The following SLCO5A1 variants were observed in gnomAD, a reference collection of about 807,000 sequenced individuals.
SLCO5A1 encodes solute carrier organic anion transporter family member 5A1.
SLCO5A1 carries 39 observed loss-of-function variants against 65.1 expected under a neutral mutation model. The observed-to-expected ratio is 0.60, with a 90% CI of 0.46 to 0.78. The LOEUF (loss-of-function observed/expected upper bound fraction) is 0.78, where lower values mean the gene tolerates loss of function less well. Among genes scored for constraint, SLCO5A1 ranks in the 30% least tolerant of loss-of-function variants. The probability of loss-of-function intolerance (pLI) is 0.00; values close to 1 mark genes in which losing one functional copy is unlikely to be tolerated. For missense variants in SLCO5A1, 1,029 were observed against 1,069.4 expected (o/e 0.96, Z 0.53); for synonymous variants, 438 against 415.7 (o/e 1.05, Z -0.65).
At chr8:69,743,140 A>G (rs1816870329) in intron 4 of SLCO5A1, among the ~76,000 whole-genome samples, 1 of 152,138 alleles carries the variant, frequency 6.6e-6, no homozygotes, top group African/African-American at 2.4e-5. Flanking sequence ...GATGGTGTTT[A>G]GGAGAGACTG....
At chr8:69,704,059 CT>C (rs1380997121) in intron 6 of SLCO5A1, among the ~76,000 whole-genome samples, 1 of 151,354 alleles carries the variant, frequency 6.6e-6, no homozygotes, top group African/African-American at 2.4e-5. Context: ...CAAATCAGGG[CT>C]TTTTTTTACT....
intron 8 of SLCO5A1, 101 bp downstream of exon 8, chr8:69,679,277 G>A (rs1813668359): frequency 6.6e-7 from 1 of 1,510,410 alleles, no homozygotes; most frequent in Non-Finnish European, 9.0e-7. Flanking sequence ...TGCTAATTTT[G>A]CTTTGCTCTC....
In SLCO5A1 at chr8:69,672,254, A is replaced by C. The variant is rs984346192; in HGVS notation, c.*615T>G. 1.3e-5 allele frequency: 2 copies of C among 153,044 alleles called. No homozygotes were observed. Among genetic ancestry groups the C allele is most frequent in the African/African-American group, 4.8e-5 (2 of 41,444 alleles). The allele number at this position is 153,044 out of a possible 1,614,324, so 9.5% of individuals were successfully genotyped here. ...TCACACTATGCCTATGGTTCCTCTG[A>C]AGCATTTGAAAAACTCTACCTGATT... On this transcript the variant is annotated 3_prime_UTR_variant, in exon 10 of 10. Coordinates refer to ENST00000260126, the MANE Select transcript of SLCO5A1 (RefSeq NM_030958.3).
intron 6 of SLCO5A1, among the ~76,000 whole-genome samples, chr8:69,692,500 T>A (rs994976119): frequency 6.6e-6 from 1 of 152,194 alleles, no homozygotes; most frequent in African/African-American, 2.4e-5. Context: ...TTACTATAAT[T>A]TTTTTACTTT....
At chr8:69,674,987 C>T (rs1010309981) in intron 9 of SLCO5A1, among the ~76,000 whole-genome samples, 1 of 151,518 alleles carries the variant, frequency 6.6e-6, no homozygotes, top group Non-Finnish European at 1.5e-5. Flanking sequence ...TTGCAGAGAA[C>T]TGAGATTGTG....
At position 69,673,086 on chromosome 8, in the gene SLCO5A1, A is replaced by C; in HGVS notation, c.2330T>G (p.Leu777Arg). The change falls in exon 10 of 10, where the codon CTG (leucine) becomes CGG (arginine). Residue 777 changes from leucine (L) to arginine (R), a missense_variant. Coordinates refer to ENST00000260126, the MANE Select transcript of SLCO5A1 (RefSeq NM_030958.3). ...LQRRRQREFPLSTVSERVGHP... is the reference protein window; with the variant it reads ...LQRRRQREFPRSTVSERVGHP... Reference sequence around the variant, plus strand: ...TCCCACTCTCTCACTCACGGTGCTCAGGGGAAATTCTCTCTGCCTCCGCCT... The same window carrying C: ...TCCCACTCTCTCACTCACGGTGCTCCGGGGAAATTCTCTCTGCCTCCGCCT... 6.2e-7 allele frequency: 1 copy of C among 1,614,230 alleles called. No homozygotes were observed. Among genetic ancestry groups the C allele is most frequent in the South Asian group, 1.1e-5 (1 of 91,084 alleles).
intron 2 of SLCO5A1, among the ~76,000 whole-genome samples, chr8:69,826,701 A>G (rs201357733): frequency 5.8e-4 from 89 of 152,328 alleles, no homozygotes; most frequent in African/African-American, 2.1e-3. Context: ...TCAACCAACC[A>G]ATGTAAACTA....
chr8:69,823,367 CA>C (rs1272641039), intron 2 of SLCO5A1, among the ~76,000 whole-genome samples: 2 of 152,156 alleles, frequency 1.3e-5, no homozygotes, highest in Non-Finnish European at 2.9e-5. Flanking sequence ...GTGCTGTATT[CA>C]GGAGACCCAT....
chr8:69,804,632 G>A (rs1819912514), intron 2 of SLCO5A1, among the ~76,000 whole-genome samples: 1 of 152,086 alleles, frequency 6.6e-6, no homozygotes, highest in Non-Finnish European at 1.5e-5. Context: ...TGTATTTTCT[G>A]AGTTTATTTA....
intron 2 of SLCO5A1, among the ~76,000 whole-genome samples, chr8:69,818,852 C>T (rs1820514948): frequency 6.6e-6 from 1 of 152,206 alleles, no homozygotes; most frequent in Non-Finnish European, 1.5e-5. Context: ...TAACAAGAAG[C>T]TGATGCTCTG....
intron 5 of SLCO5A1, among the ~76,000 whole-genome samples, chr8:69,733,074 T>G (rs1816407868): frequency 6.6e-6 from 1 of 152,248 alleles, no homozygotes; most frequent in Non-Finnish European, 1.5e-5. Context: ...ATAGATTAAA[T>G]GATGTTACCC....
chr8:69,793,483 A>G (rs1466197013), intron 2 of SLCO5A1, among the ~76,000 whole-genome samples: 1 of 152,040 alleles, frequency 6.6e-6, no homozygotes, highest in Non-Finnish European at 1.5e-5. Context: ...ATAATAATAG[A>G]GCTGACATGG....
intron 2 of SLCO5A1, among the ~76,000 whole-genome samples, chr8:69,818,507 A>G (rs1820495489): frequency 1.3e-5 from 2 of 152,232 alleles, no homozygotes; most frequent in South Asian, 2.1e-4. Flanking sequence ...CACATAGATA[A>G]CAGAATTCAC....
chr8:69,710,617 A>T (rs1299553750), intron 5 of SLCO5A1, among the ~76,000 whole-genome samples: 4 of 152,144 alleles, frequency 2.6e-5, no homozygotes, highest in South Asian at 2.1e-4. Flanking sequence ...TAAAATTTCA[A>T]TTTCAACTAA....
At chr8:69,817,397 ACTTGGCTTG>A (rs1223370704) in intron 2 of SLCO5A1, among the ~76,000 whole-genome samples, 2 of 152,202 alleles carry the variant, frequency 1.3e-5, no homozygotes, top group Non-Finnish European at 2.9e-5. Context: ...GCTGATGAAC[ACTTGGCTTG>A]CTTCCGCCTC....
At chr8:69,715,682 A>C (rs1815489402) in intron 5 of SLCO5A1, among the ~76,000 whole-genome samples, 1 of 152,204 alleles carries the variant, frequency 6.6e-6, no homozygotes, top group Non-Finnish European at 1.5e-5. Flanking sequence ...TGCCCCACTA[A>C]GGCCAGGTGG....
At chr8:69,782,907 G>A (rs1279622296) in intron 2 of SLCO5A1, among the ~76,000 whole-genome samples, 1 of 152,140 alleles carries the variant, frequency 6.6e-6, no homozygotes, top group Non-Finnish European at 1.5e-5. Flanking sequence ...TAAGAGTATT[G>A]GCTTCAGCAT....
intron 2 of SLCO5A1, among the ~76,000 whole-genome samples, chr8:69,766,162 G>A (rs1818050544): frequency 6.6e-6 from 1 of 152,068 alleles, no homozygotes; most frequent in South Asian, 2.1e-4. Context: ...AGGCTCATCT[G>A]GAAAACTGCC....
chr8:69,690,697 G>C (rs1301040482), intron 6 of SLCO5A1, among the ~76,000 whole-genome samples: 1 of 152,156 alleles, frequency 6.6e-6, no homozygotes, highest in African/African-American at 2.4e-5. Context: ...ATTCAGAGAA[G>C]ATACTTTAGG....
Sources: gnomAD v4.1 joint callset for allele counts (sites outside exome capture counted in the v4.1 genomes callset) on GRCh38, gnomAD v4.1.1 for gene constraint, MANE v1.5 for transcripts, NCBI Gene and HGNC (gene_info 2026-07-23, HGNC 2026-07-21) for gene names.